The following TSPAN10 variants were observed in gnomAD, a reference collection of about 807,000 sequenced individuals.
The protein encoded by TSPAN10 is tetraspanin 10.
TSPAN10 carries 11 observed loss-of-function variants against 15.0 expected under a neutral mutation model. That is an observed-to-expected ratio of 0.73 (90% CI 0.46 to 1.21). The LOEUF (loss-of-function observed/expected upper bound fraction) is 1.21. Among genes scored for constraint, TSPAN10 ranks in the 50% most tolerant of loss-of-function variants. The pLI, the probability that TSPAN10 is intolerant of heterozygous loss-of-function variation, is 0.00. For missense variants in TSPAN10, 486 were observed against 470.6 expected (o/e 1.03, Z -0.30); for synonymous variants, 241 against 226.2 (o/e 1.07, Z -0.59).
chr17:81,648,285 C>T (rs541409093), exon 3 of TSPAN10: 1 of 1,210,316 alleles, frequency 8.3e-7, no homozygotes. Context: ...CCAAGCCCGC[C>T]CGGGGCTGAG....
upstream of TSPAN10, among the ~76,000 whole-genome samples, chr17:81,641,560 G>C (rs1281603592): frequency 1.3e-5 from 2 of 151,990 alleles, no homozygotes; most frequent in Non-Finnish European, 2.9e-5. Flanking sequence ...CCCTCTGCCT[G>C]CTCCATCAGT....
rs1270390637 is a variant in TSPAN10 at position 81,645,919 on chromosome 17, CAT to C, written c.674+292_674+293del. On this transcript the variant is annotated intron_variant, in intron 2 of 2. Coordinates refer to ENST00000611590, the Ensembl canonical transcript of TSPAN10. ...GCACACACTCACACTCAAACATGTT[CAT>C]ACACACACGTGTCATGCACACAAGG... 3 of 565,396 alleles carry C rather than the reference CAT, an allele frequency of 5.3e-6. No individual in the cohort carries two copies. In the African/African-American group the frequency reaches 5.6e-5, roughly 11 times the overall value. The allele number at this position is 565,396 out of a possible 1,614,324, so 35.0% of individuals were successfully genotyped here.
chr17:81,639,936 C>T (rs1033465725), upstream of TSPAN10, among the ~76,000 whole-genome samples: 2 of 151,618 alleles, frequency 1.3e-5, no homozygotes, highest in East Asian at 3.9e-4. Context: ...GCCGAGATCA[C>T]GCCACTGCGC....
upstream of TSPAN10, among the ~76,000 whole-genome samples, chr17:81,639,663 G>A (rs1234161609): frequency 2.7e-5 from 4 of 149,874 alleles, no homozygotes; most frequent in Admixed American, 6.6e-5. Context: ...GGTGGCTCAC[G>A]CCTGTCATCC....
intron 1 of TSPAN10, among the ~76,000 whole-genome samples, chr17:81,644,483 C>A (rs867732330): frequency 2.0e-5 from 3 of 152,220 alleles, no homozygotes; most frequent in African/African-American, 7.2e-5. Context: ...AAAGGGCAGC[C>A]ATGTGGGCCA....
intron 2 of TSPAN10, 135 bp downstream of exon 3, chr17:81,645,764 C>A: frequency 8.9e-7 from 1 of 1,123,550 alleles, no homozygotes; most frequent in Non-Finnish European, 1.3e-6. Flanking sequence ...CGTATACCCA[C>A]ATGTACACGC....
upstream of TSPAN10, chr17:81,637,706 G>T: frequency 4.2e-6 from 1 of 235,814 alleles, no homozygotes; most frequent in South Asian, 5.5e-5. Flanking sequence ...GGCCGAGGCA[G>T]GTGGATCACC....
At chr17:81,642,768 G>A (rs1220499407) in intron 1 of TSPAN10, among the ~76,000 whole-genome samples, 1 of 152,112 alleles carries the variant, frequency 6.6e-6, no homozygotes, top group Non-Finnish European at 1.5e-5. Context: ...ACGGCCTCTG[G>A]CCCCCAGTGG....
exon 1 of TSPAN10, chr17:81,637,336 A>C: frequency 1.5e-6 from 1 of 666,412 alleles, no homozygotes; most frequent in Non-Finnish European, 2.7e-6. Flanking sequence ...TCACCCAAAA[A>C]TAACTACTGC....
At position 81,645,647 on chromosome 17, in the gene TSPAN10, C is replaced by T. The variant is rs781589079; in HGVS notation, c.674+18C>T. 3.5e-5 allele frequency: 57 copies of T among 1,609,960 alleles called. No individual in the cohort carries two copies. In the East Asian group the frequency reaches 1.2e-3, roughly 33 times the overall value. On this transcript the variant is annotated intron_variant, in intron 2 of 2. Coordinates refer to ENST00000611590, the Ensembl canonical transcript of TSPAN10. ...CAGAACCTGTGAGTCTTGGAGTGGG[C>T]GAGGGACAGGGCCACCACAGGGTCG... is the stretch of plus-strand genomic sequence containing the variant.
chr17:81,641,549 A>T (rs1350540047), upstream of TSPAN10, among the ~76,000 whole-genome samples: 1 of 151,872 alleles, frequency 6.6e-6, no homozygotes, highest in Admixed American at 6.6e-5. Context: ...CGCGCCTGAA[A>T]CCCTCTGCCT....
downstream of TSPAN10, chr17:81,648,568 A>G: frequency 3.6e-6 from 1 of 276,386 alleles, no homozygotes; most frequent in Non-Finnish European, 6.7e-6. Flanking sequence ...CCGAGCCCCC[A>G]CTCCCACCCC....
exon 3 of TSPAN10, chr17:81,647,909 A>G (rs201115142): frequency 6.9e-6 from 11 of 1,602,832 alleles, no homozygotes; most frequent in Admixed American, 1.7e-5. Flanking sequence ...AGGTACTTTA[A>G]CTGCAGCTCC....
exon 1 of TSPAN10, chr17:81,642,432 G>A: frequency 3.1e-6 from 5 of 1,611,994 alleles, no homozygotes; most frequent in Non-Finnish European, 4.2e-6. Context: ...GGGGAGAGGA[G>A]CCCCTTACTG....
intron 2 of TSPAN10, 87 bp downstream of exon 3, chr17:81,645,716 C>G: frequency 6.6e-7 from 1 of 1,513,680 alleles, no homozygotes; most frequent in South Asian, 1.2e-5. Context: ...GTCACTCACA[C>G]GTACATACTC....
upstream of TSPAN10, among the ~76,000 whole-genome samples, chr17:81,641,618 G>C (rs2036178156): frequency 2.4e-5 from 1 of 41,270 alleles, no homozygotes; most frequent in Non-Finnish European, 3.9e-5. Context: ...TTGGACTGCT[G>C]AGTGTTGGTG....
intron 1 of TSPAN10, among the ~76,000 whole-genome samples, chr17:81,643,220 G>C (rs62075721): frequency 6.7e-6 from 1 of 148,742 alleles, no homozygotes; most frequent in Admixed American, 6.6e-5. Flanking sequence ...GGATGGTCTC[G>C]ATCTCCTGAC....
upstream of TSPAN10, among the ~76,000 whole-genome samples, chr17:81,640,068 G>A (rs1292834964): frequency 1.3e-5 from 2 of 151,184 alleles, no homozygotes; most frequent in East Asian, 2.0e-4. Flanking sequence ...CTGTAGCCTC[G>A]ACTTCCCAGG....
chr17:81,648,160 G>GCCGCCCGGCTACTCGGGGCCCTCGCTGC lies in TSPAN10; in HGVS notation c.939_966dup (p.Arg323ProfsTer?). On this transcript the variant is annotated frameshift_variant, in exon 3 of 3. Transcript: ENST00000611590. LOFTEE classifies it low-confidence loss of function (END_TRUNC). The stretch of plus-strand genomic sequence containing the variant: ...GCTGCAGGGCGCGGAGCTCCTGCTG[G>GCCGCCCGGCTACTCGGGGCCCTCGCTGC]CCGCCCGGCTACTCGGGGCCCTCGC... 6.8e-7 allele frequency: 1 copy of GCCGCCCGGCTACTCGGGGCCCTCGCTGC among 1,468,888 alleles called. No individual in the cohort carries two copies. The highest frequency in any genetic ancestry group is 8.9e-7 in the Non-Finnish European group (1 of 1,122,426). The allele number at this position is 1,468,888 out of a possible 1,614,324, so 91.0% of individuals were successfully genotyped here. A position where few individuals can be genotyped will look rare whatever the true frequency, so the allele number is the denominator to read the frequency against.
Sources: allele counts gnomAD v4.1 joint callset (sites outside exome capture counted in the v4.1 genomes callset), GRCh38; gene constraint gnomAD v4.1.1; transcripts MANE v1.5; gene names NCBI Gene and HGNC (gene_info 2026-07-23, HGNC 2026-07-21).